The following FGGY variants were observed in gnomAD, a reference collection of about 807,000 sequenced individuals.
FGGY encodes FGGY carbohydrate kinase domain containing.
Under a neutral mutation model 71.3 loss-of-function variants are expected in FGGY, and 72 were observed. That is an observed-to-expected ratio of 1.01 (90% CI 0.84 to 1.23). The LOEUF is 1.23. Among genes scored for constraint, FGGY ranks in the 50% most tolerant of loss-of-function variants. The pLI, the probability that FGGY is intolerant of heterozygous loss-of-function variation, is 0.00. For synonymous variants in FGGY, 251 were observed against 250.3 expected (o/e 1.00, Z -0.02); for missense variants, 668 against 682.3 (o/e 0.98, Z 0.23).
intron 14 of FGGY, among the ~76,000 whole-genome samples, chr1:59,729,963 A>G (rs1446778105): frequency 6.6e-6 from 1 of 152,160 alleles, no homozygotes; most frequent in Non-Finnish European, 1.5e-5. Context: ...AATATTTTAC[A>G]GTGTTTACGC....
intron 9 of FGGY, among the ~76,000 whole-genome samples, chr1:59,619,831 G>T (rs575480166): frequency 6.0e-4 from 91 of 152,160 alleles, no homozygotes; most frequent in African/African-American, 2.0e-3. Flanking sequence ...GTGGAAGTAG[G>T]GGGAGGGAAG....
intron 8 of FGGY, 75 bp downstream of exon 8, chr1:59,554,302 T>C: frequency 6.3e-6 from 7 of 1,118,554 alleles, no homozygotes; most frequent in Non-Finnish European, 9.1e-6. Context: ...GAGTGCTGGC[T>C]TCTTCACCCT....
At chr1:59,673,038 A>G (rs1433767669) in intron 13 of FGGY, among the ~76,000 whole-genome samples, 2 of 152,146 alleles carry the variant, frequency 1.3e-5, no homozygotes, top group African/African-American at 4.8e-5. Flanking sequence ...CAGAAATGTA[A>G]GTGACTCATC....
At chr1:59,382,626 G>C (rs1184955619) in intron 5 of FGGY, among the ~76,000 whole-genome samples, 1 of 152,186 alleles carries the variant, frequency 6.6e-6, no homozygotes, top group East Asian at 1.9e-4. Context: ...TTATTTCTGA[G>C]AGAATCTTTC....
chr1:59,665,780 TCTC>T (rs2097318214), intron 12 of FGGY, among the ~76,000 whole-genome samples: 3 of 151,644 alleles, frequency 2.0e-5, no homozygotes, highest in Admixed American at 6.6e-5. Flanking sequence ...TTCACACCAT[TCTC>T]CTGCCTCAGC....
At chr1:59,419,084 A>G (rs1000753896) in intron 5 of FGGY, among the ~76,000 whole-genome samples, 3 of 152,178 alleles carry the variant, frequency 2.0e-5, no homozygotes, top group Admixed American at 1.3e-4. Flanking sequence ...CTGGAACCAG[A>G]TTATAAAGGG....
intron 8 of FGGY, among the ~76,000 whole-genome samples, chr1:59,606,889 A>AT (rs954075789): frequency 3.4e-4 from 51 of 152,102 alleles, no homozygotes; most frequent in African/African-American, 1.2e-3. Context: ...CTATTTGTCT[A>AT]TTTTTTTGTA....
At chr1:59,719,526 A>C (rs2097869931) in intron 14 of FGGY, among the ~76,000 whole-genome samples, 1 of 152,256 alleles carries the variant, frequency 6.6e-6, no homozygotes. Context: ...GTAGATGCTC[A>C]ATAAATGATA....
chr1:59,593,048 A>G (rs1479404456), intron 8 of FGGY, among the ~76,000 whole-genome samples: 1 of 152,254 alleles, frequency 6.6e-6, no homozygotes, highest in East Asian at 1.9e-4. Flanking sequence ...AAGAAACCAC[A>G]CATATACACC....
At chr1:59,556,322 G>A (rs559586843) in intron 8 of FGGY, among the ~76,000 whole-genome samples, 2 of 152,274 alleles carry the variant, frequency 1.3e-5, no homozygotes, top group African/African-American at 4.8e-5. Flanking sequence ...AATCTAAATG[G>A]ATGCAAGTGT....
intron 14 of FGGY, among the ~76,000 whole-genome samples, chr1:59,714,513 A>T (rs1418933226): frequency 1.3e-5 from 2 of 152,226 alleles, no homozygotes; most frequent in African/African-American, 4.8e-5. Context: ...ATAGACAGAC[A>T]TGTGGTGTCT....
At chr1:59,643,366 A>T (rs2097057310) in intron 11 of FGGY, among the ~76,000 whole-genome samples, 1 of 151,974 alleles carries the variant, frequency 6.6e-6, no homozygotes, top group South Asian at 2.1e-4. Context: ...AATTTTTAAA[A>T]TATTTTTTTG....
chr1:59,501,671 A>C (rs1404121210), intron 6 of FGGY, among the ~76,000 whole-genome samples: 4 of 152,254 alleles, frequency 2.6e-5, no homozygotes, highest in Admixed American at 6.5e-5. Context: ...AACTCTAAAG[A>C]GAACACCTTC....
intron 11 of FGGY, among the ~76,000 whole-genome samples, chr1:59,650,432 G>A (rs2153931183): frequency 8.7e-6 from 1 of 115,080 alleles, no homozygotes; most frequent in South Asian, 3.0e-4. Flanking sequence ...TTCAGAGCCT[G>A]TTATTGGTCT....
chr1:59,428,492 G>A (rs1355221554), intron 5 of FGGY, among the ~76,000 whole-genome samples: 1 of 152,208 alleles, frequency 6.6e-6, no homozygotes, highest in Non-Finnish European at 1.5e-5. Context: ...GTATGGCTTT[G>A]CCTATCAGTA....
At chr1:59,588,303 C>A (rs1408030465) in intron 8 of FGGY, among the ~76,000 whole-genome samples, 1 of 151,918 alleles carries the variant, frequency 6.6e-6, no homozygotes, top group Non-Finnish European at 1.5e-5. Context: ...GTGAAAAGAC[C>A]AAATCTACGT....
intron 1 of FGGY, among the ~76,000 whole-genome samples, chr1:59,318,090 G>A (rs928353972): frequency 1.3e-5 from 2 of 152,150 alleles, no homozygotes; most frequent in Non-Finnish European, 2.9e-5. Flanking sequence ...TGATGGAACC[G>A]GAGGGAATGG....
intron 8 of FGGY, among the ~76,000 whole-genome samples, chr1:59,566,825 T>C (rs148245505): frequency 5.9e-5 from 9 of 152,184 alleles, no homozygotes; most frequent in African/African-American, 2.2e-4. Flanking sequence ...TCCCCTTGTA[T>C]TTTTAAAACA....
In FGGY at chr1:59,408,744, G is replaced by A. The variant is rs533260916; in HGVS notation, c.554+29907G>A. Among the ~76,000 whole-genome samples the A allele has an allele frequency of 2.0e-5, 3 of 152,210 alleles. No homozygotes were observed. The East Asian group carries it at 5.8e-4, about 29-fold the overall frequency. On this transcript the variant is annotated intron_variant, in intron 5 of 15. Coordinates refer to ENST00000303721, the MANE Select transcript of FGGY (RefSeq NM_018291.5). ...TGGAAAGGTGGCAGAAAAAACAAAC[G>A]GCTGGTGTGTTTTGGGGCAGTCTGC...
Sources: gnomAD v4.1 joint callset for allele counts (sites outside exome capture counted in the v4.1 genomes callset) on GRCh38, gnomAD v4.1.1 for gene constraint, MANE v1.5 for transcripts, NCBI Gene and HGNC (gene_info 2026-07-23, HGNC 2026-07-21) for gene names.